Variants in PI4KA observed in about 807,000 individuals in gnomAD.
PI4KA encodes phosphatidylinositol 4-kinase alpha.
In PI4KA, 122 loss-of-function variants were observed where a neutral mutation model predicts 271.4. That is an observed-to-expected ratio of 0.45 (90% CI 0.39 to 0.52). The LOEUF (loss-of-function observed/expected upper bound fraction) is 0.52. Ranked by LOEUF, PI4KA falls within the 20% of genes least tolerant of loss-of-function variation. The pLI is 0.00. For synonymous variants in PI4KA, 1,041 were observed against 1,078.8 expected, an observed-to-expected ratio of 0.96 and a Z score of 0.69; for missense variants, 1,969 against 2,769.1, an observed-to-expected ratio of 0.71 and a Z score of 6.48.
At chr22:20,721,643 G>A in intron 42 of PI4KA, 2 of 532,196 alleles carry the variant, frequency 3.8e-6, no homozygotes, top group East Asian at 3.0e-5. Flanking sequence ...TTGCAAAGCG[G>A]GCGACAGTCA....
intron 43 of PI4KA, among the ~76,000 whole-genome samples, chr22:20,720,025 CAAA>C (rs869149471): frequency 1.4e-3 from 51 of 35,370 alleles, no homozygotes; most frequent in South Asian, 6.7e-3. Context: ...GACTCTGTCT[CAAA>C]AAAAAAAAAA....
At chr22:20,802,208 G>T in intron 13 of PI4KA, 103 bp from the exon 14 acceptor site, 1 of 983,264 alleles carries the variant, frequency 1.0e-6, no homozygotes. Flanking sequence ...ATTTATAAAA[G>T]CAAAATGATC....
chr22:20,818,587 C>T lies in PI4KA; in HGVS notation c.790-38G>A, dbSNP rs550376141. 3.0e-5 allele frequency: 43 copies of T among 1,445,602 alleles called. 1 individual carries two copies. The South Asian group carries it at 5.5e-4, about 18-fold the overall frequency. The allele number at this position is 1,445,602 out of a possible 1,614,324, so 89.5% of individuals were successfully genotyped here. A position where few individuals can be genotyped will look rare whatever the true frequency, so the allele number is the denominator to read the frequency against. ...ACCACAGTTACATATCAGAAAAGAC[C>T]AGTGAGACCTCCATCAGATTTGTCT... On this transcript the variant is annotated intron_variant, in intron 6 of 54. Coordinates refer to ENST00000255882, the MANE Select transcript of PI4KA (RefSeq NM_058004.4).
Position 20,819,829 on chromosome 22 carries a change from C to T in PI4KA, c.601G>A (p.Glu201Lys). ...AAGAGCTTTGAGAGGAGAGACTCTT[C>T]CATGTTGCTGTAACGCCCAAATGCT... ...SRAFGRYSNM[E>K]ESLLSKLFPK... Residue 201 changes from glutamate to lysine, a missense_variant, in exon 6 of 55, where the codon GAA becomes AAA. Physicochemically the swap from Glu to Lys is moderately conservative, Grantham distance 56. Transcript: ENST00000255882. 6.2e-7 allele frequency: 1 copy of T among 1,613,910 alleles called. No homozygotes were observed. Among genetic ancestry groups the T allele is most frequent in the Non-Finnish European group, 8.5e-7 (1 of 1,179,748 alleles).
intron 42 of PI4KA, among the ~76,000 whole-genome samples, chr22:20,726,050 G>A (rs1016938893): frequency 1.3e-5 from 2 of 152,138 alleles, no homozygotes; most frequent in African/African-American, 4.8e-5. Context: ...CCACAATTCT[G>A]AGAATGAGAA....
intron 19 of PI4KA, among the ~76,000 whole-genome samples, chr22:20,783,693 A>T (rs1327894347): frequency 2.0e-5 from 3 of 152,208 alleles, no homozygotes; most frequent in African/African-American, 7.2e-5. Context: ...TGACAGATGA[A>T]GAAATAGAAG....
In PI4KA at chr22:20,846,625, T is replaced by C. The variant is rs148319476; in HGVS notation, c.157-7894A>G. 2.2e-3 allele frequency among the ~76,000 whole-genome samples: 332 copies of C among 148,928 alleles called. 1 individual carries two copies. Among genetic ancestry groups the C allele is most frequent in the African/African-American group, 8.2e-3 (330 of 40,398 alleles). ...TGGGAGGCCAAGGCGGGTGGATCAC[T>C]TTAGGTCAGGAGTTCAAGATCAGCC... is the stretch of plus-strand genomic sequence containing the variant. On this transcript the variant is annotated intron_variant, in intron 1 of 54. Coordinates refer to ENST00000255882, the MANE Select transcript of PI4KA (RefSeq NM_058004.4).
chr22:20,729,363 C>G lies in PI4KA; in HGVS notation c.4632G>C (p.Val1544=). The G allele has an allele frequency of 5.0e-6, 8 of 1,614,134 alleles. No homozygotes were observed. The highest frequency in any genetic ancestry group is 6.8e-6 in the Non-Finnish European group (8 of 1,180,012). The change falls in exon 39 of 55, where the codon GTG becomes GTC. Residue 1544 remains valine, a synonymous_variant. Coordinates refer to ENST00000255882, the MANE Select transcript of PI4KA (RefSeq NM_058004.4). ...AGGGAGAGATGCTCCAGGCGAGGTT[C>G]ACGTTGTCCTTCCACTGCTTCTCAC... is the stretch of plus-strand genomic sequence containing the variant. ...SLSEKQWKDN[V]NLAWSISPYL...
intron 18 of PI4KA, among the ~76,000 whole-genome samples, chr22:20,795,779 T>C (rs889242555): frequency 8.5e-5 from 13 of 152,102 alleles, no homozygotes; most frequent in African/African-American, 3.1e-4. Context: ...GTTGCCACTG[T>C]GTTCTGATGA....
intron 19 of PI4KA, among the ~76,000 whole-genome samples, chr22:20,770,729 ACTATT>A (rs899105059): frequency 1.3e-5 from 2 of 151,968 alleles, no homozygotes; most frequent in African/African-American, 4.8e-5. Context: ...GTTCTACTAC[ACTATT>A]CTTTCAACTT....
chr22:20,751,866 AAGG>A, intron 25 of PI4KA, 111 bp from the exon 26 acceptor site: 2 of 895,644 alleles, frequency 2.2e-6, no homozygotes, highest in East Asian at 5.2e-5. Context: ...AGGCCAGCTG[AAGG>A]AGGAGGTCGG....
In PI4KA at chr22:20,721,322, CT is replaced by C; in HGVS notation, c.5091del (p.Asp1698MetfsTer19). 6.2e-7 allele frequency: 1 copy of C among 1,614,044 alleles called. No individual in the cohort carries two copies. The highest frequency in any genetic ancestry group is 8.5e-7 in the Non-Finnish European group (1 of 1,179,968). On this transcript the variant is annotated frameshift_variant, in exon 43 of 55. Transcript: ENST00000255882. LOFTEE classifies it high-confidence loss of function. The part of the protein sequence containing the change: ...FIWNMKTNIY[L>X]DEEGHQKDPD... ...CGGTCTTTCTGGTGGCCCTCTTCAT[CT>C]AGATAAATGTTAGTCTTCATGTTCC... is the stretch of plus-strand genomic sequence containing the variant.
chr22:20,770,305 G>C (rs1220861522), intron 19 of PI4KA, among the ~76,000 whole-genome samples: 1 of 151,538 alleles, frequency 6.6e-6, no homozygotes, highest in Non-Finnish European at 1.5e-5. Context: ...CTGAGGTCAG[G>C]AGTTCAAGAC....
chr22:20,768,823 C>T (rs1393754249), intron 19 of PI4KA, among the ~76,000 whole-genome samples: 2 of 152,152 alleles, frequency 1.3e-5, no homozygotes, highest in African/African-American at 2.4e-5. Context: ...ACGGAAGCGA[C>T]ACAGGGCAGG....
intron 12 of PI4KA, 34 bp downstream of exon 12, chr22:20,804,266 G>T (rs765159665): frequency 7.1e-7 from 1 of 1,407,838 alleles, no homozygotes; most frequent in African/African-American, 1.4e-5. Context: ...CCTACAGGTG[G>T]GATCTGAGCC....
chr22:20,812,195 G>A (rs965253650), intron 8 of PI4KA, among the ~76,000 whole-genome samples: 3 of 152,056 alleles, frequency 2.0e-5, no homozygotes, highest in Non-Finnish European at 4.4e-5. Flanking sequence ...ATTCTATCTG[G>A]GGCACTGACA....
intron 1 of PI4KA, among the ~76,000 whole-genome samples, chr22:20,849,300 T>C (rs969954149): frequency 4.6e-5 from 7 of 152,182 alleles, no homozygotes; most frequent in Non-Finnish European, 7.3e-5. Flanking sequence ...CCTCTAAAGG[T>C]TAAACCTAGA....
intron 17 of PI4KA, chr22:20,798,362 A>G: frequency 1.9e-6 from 1 of 524,582 alleles, no homozygotes; most frequent in African/African-American, 1.9e-5. Flanking sequence ...CCCAATCAGA[A>G]GGAGAGAAAG....
At chr22:20,757,011 C>T (rs6004148) in intron 23 of PI4KA, among the ~76,000 whole-genome samples, 3,853 of 152,304 alleles carry the variant, frequency 0.025, 159 homozygotes, top group African/African-American at 0.089. Context: ...GGTGAACTGA[C>T]TCACAGGATG....
Sources: gnomAD v4.1 joint callset for allele counts (sites outside exome capture counted in the v4.1 genomes callset) on GRCh38, gnomAD v4.1.1 for gene constraint, MANE v1.5 for transcripts, NCBI Gene and HGNC (gene_info 2026-07-23, HGNC 2026-07-21) for gene names.